PUM3: variants seen among roughly 807,000 people sequenced by gnomAD.
The protein encoded by PUM3 is pumilio RNA binding family member 3, also known as pumilio homolog 3.
In PUM3, 91 loss-of-function variants were observed where a neutral mutation model predicts 84.0. The ratio of observed to expected loss-of-function variants is 1.08; its 90% CI spans 0.91 to 1.29. The LOEUF (loss-of-function observed/expected upper bound fraction) is 1.29. Among genes scored for constraint, PUM3 ranks in the 50% most tolerant of loss-of-function variants. PUM3 has a pLI of 0.00. For synonymous variants in PUM3, 321 were observed against 266.7 expected (o/e 1.20, Z -1.98); for missense variants, 1,067 against 767.5 (o/e 1.39, Z -4.61).
At chr9:2,819,042 GTA>G in intron 13 of PUM3, among the ~76,000 whole-genome samples, 1 of 152,288 alleles carries the variant, frequency 6.6e-6, no homozygotes, top group Middle Eastern at 3.4e-3. Context: ...TCCCATTTAT[GTA>G]TATCAAACAG....
chr9:2,828,915 G>A (rs1815898797), intron 8 of PUM3, 137 bp from the exon 9 acceptor site: 2 of 656,452 alleles, frequency 3.0e-6, no homozygotes, highest in South Asian at 1.7e-5. Context: ...TGAAAGCTCT[G>A]CTGTATATCC....
chr9:2,841,610 G>T (rs1376636507), intron 1 of PUM3, among the ~76,000 whole-genome samples: 2 of 151,488 alleles, frequency 1.3e-5, no homozygotes, highest in Non-Finnish European at 1.5e-5. Flanking sequence ...TTTCAGACAA[G>T]ATGTTTGGAG....
chr9:2,840,111 A>C (rs1278010882), intron 1 of PUM3, among the ~76,000 whole-genome samples: 1 of 152,168 alleles, frequency 6.6e-6, no homozygotes, highest in Admixed American at 6.5e-5. Context: ...CATTTTTTGG[A>C]AGACTACCAG....
At chr9:2,807,946 A>G in intron 16 of PUM3, 42 bp from the exon 17 acceptor site, 1 of 1,237,814 alleles carries the variant, frequency 8.1e-7, no homozygotes, top group African/African-American at 1.5e-5. Flanking sequence ...ACATAATAAG[A>G]TATATACTCC....
intron 9 of PUM3, among the ~76,000 whole-genome samples, chr9:2,827,585 T>C (rs546546681): frequency 6.6e-6 from 1 of 152,314 alleles, no homozygotes; most frequent in South Asian, 2.1e-4. Context: ...AATTAAAACT[T>C]GAATGAACCA....
intron 13 of PUM3, among the ~76,000 whole-genome samples, chr9:2,817,750 G>C (rs997026421): frequency 1.1e-4 from 16 of 152,148 alleles, no homozygotes; most frequent in African/African-American, 3.6e-4. Flanking sequence ...AACTGTATTT[G>C]TCAAGTTTTA....
chr9:2,836,418 C>T (rs769476883), intron 3 of PUM3, among the ~76,000 whole-genome samples: 16 of 152,132 alleles, frequency 1.1e-4, no homozygotes, highest in South Asian at 6.2e-4. Context: ...GGACAAAGCA[C>T]GACAGCGGAA....
chr9:2,834,236 T>C, intron 3 of PUM3, 70 bp from the exon 4 acceptor site: 1 of 1,364,254 alleles, frequency 7.3e-7, no homozygotes, highest in Admixed American at 2.0e-5. Flanking sequence ...ACAAATTAGG[T>C]AAAAAGGGCA....
chr9:2,829,634 G>T (rs1815917668), intron 8 of PUM3, 140 bp downstream of exon 8: 2 of 685,936 alleles, frequency 2.9e-6, no homozygotes, highest in African/African-American at 3.6e-5. Context: ...AAAGCATGAG[G>T]GAAAATCAAG....
chr9:2,834,206 T>A, intron 3 of PUM3, 40 bp from the exon 4 acceptor site: 1 of 1,564,644 alleles, frequency 6.4e-7, no homozygotes, highest in African/African-American at 1.4e-5. Context: ...CATTTAACAT[T>A]CTAAGTGTCA....
At chr9:2,831,583 T>A (rs1256150966) in intron 5 of PUM3, among the ~76,000 whole-genome samples, 2 of 152,136 alleles carry the variant, frequency 1.3e-5, no homozygotes, top group Non-Finnish European at 2.9e-5. Flanking sequence ...AATTTAACCA[T>A]TTTGCAAGAC....
intron 12 of PUM3, among the ~76,000 whole-genome samples, chr9:2,823,410 T>C (rs1442280275): frequency 1.3e-5 from 2 of 152,126 alleles, no homozygotes; most frequent in Non-Finnish European, 2.9e-5. Context: ...TGAAGTGCAA[T>C]CTGGCATCAT....
intron 12 of PUM3, among the ~76,000 whole-genome samples, chr9:2,821,419 G>C (rs1353760207): frequency 1.7e-5 from 2 of 114,344 alleles, no homozygotes; most frequent in Non-Finnish European, 3.4e-5. Flanking sequence ...ACTCCAGCCT[G>C]GGCGACAGAG....
intron 1 of PUM3, among the ~76,000 whole-genome samples, chr9:2,841,395 T>C (rs1816259951): frequency 6.6e-6 from 1 of 151,978 alleles, no homozygotes; most frequent in Admixed American, 6.6e-5. Context: ...CCAAACCCCA[T>C]CTCTACTAAA....
chr9:2,809,725 T>G (rs1821327653), intron 16 of PUM3, among the ~76,000 whole-genome samples: 1 of 152,172 alleles, frequency 6.6e-6, no homozygotes, highest in South Asian at 2.1e-4. Context: ...TGGTTGGAGA[T>G]AGGACTGAGA....
At chr9:2,809,702 G>T (rs1228680720) in intron 16 of PUM3, among the ~76,000 whole-genome samples, 2 of 152,206 alleles carry the variant, frequency 1.3e-5, no homozygotes, top group African/African-American at 4.8e-5. Flanking sequence ...TTTGGATTTT[G>T]TAAGTGAAGG....
chr9:2,838,371 C>A, intron 2 of PUM3, 55 bp downstream of exon 2: 1 of 1,142,832 alleles, frequency 8.8e-7, no homozygotes, highest in Non-Finnish European at 1.3e-6. Context: ...TTACTACATG[C>A]CCTCCCATCC....
chr9:2,829,848 T>C lies in PUM3; in HGVS notation c.778A>G (p.Asn260Asp), dbSNP rs536311202. ...CTCTGCTCCAAAATGGCTTTGTCATTGTATGCGTACTCCACGATGGCTGAT... is the reference window on the plus strand; with the variant it reads ...CTCTGCTCCAAAATGGCTTTGTCATCGTATGCGTACTCCACGATGGCTGAT... ...EASAIVEYAY[N>D]DKAILEQRNM... Residue 260 changes from asparagine to aspartate, a missense_variant, in exon 8 of 18, where the codon AAT (asparagine) becomes GAT (aspartate). By Grantham distance (23) the Asn-to-Asp change is conservative (BLOSUM62 1). Transcript: ENST00000397885. The C allele has an allele frequency of 1.2e-6, 2 of 1,614,152 alleles. No homozygotes were observed. The highest frequency in any genetic ancestry group is 1.3e-5 in the African/African-American group (1 of 75,060).
chr9:2,831,276 T>C lies in PUM3; in HGVS notation c.585A>G (p.Arg195=). The change falls in exon 6 of 18, where the codon AGA becomes AGG. Residue 195 remains arginine (R), a synonymous_variant. Transcript: ENST00000397885. ...CYIQYGNEEQ[R]KQAFEELRDD... ...CTCGCAATTCTTCAAAAGCCTGTTT[T>C]CTCTGTTCTTCATTACCATACTGAA... 2 of 1,607,116 alleles carry C rather than the reference T, an allele frequency of 1.2e-6. No individual in the cohort carries two copies. Among genetic ancestry groups the C allele is most frequent in the Non-Finnish European group, 1.7e-6 (2 of 1,175,870 alleles).
Sources: allele counts gnomAD v4.1 joint callset (sites outside exome capture counted in the v4.1 genomes callset), GRCh38; gene constraint gnomAD v4.1.1; transcripts MANE v1.5; gene names NCBI Gene and HGNC (gene_info 2026-07-23, HGNC 2026-07-21).